SHROOM3: variants seen among roughly 807,000 people sequenced by gnomAD.
SHROOM3 encodes protein Shroom3.
A neutral mutation model predicts 138.6 loss-of-function variants in SHROOM3; 47 were observed. That is an observed-to-expected ratio of 0.34 (90% CI 0.27 to 0.43). SHROOM3 has a LOEUF of 0.43. Ranked by LOEUF, SHROOM3 falls within the 20% of genes least tolerant of loss-of-function variation. The pLI is 1.00. For missense variants in SHROOM3, 2,491 were observed against 2,596.5 expected (o/e 0.96, Z 0.88); for synonymous variants, 1,062 against 1,063.3 (o/e 1.00, Z 0.02).
At chr4:76,517,763 G>A (rs1416341029) in intron 1 of SHROOM3, among the ~76,000 whole-genome samples, 1 of 152,090 alleles carries the variant, frequency 6.6e-6, no homozygotes, top group African/African-American at 2.4e-5. Flanking sequence ...GAGAGGAAAA[G>A]ACTAGGGTTT....
chr4:76,755,855 C>T (rs1466740511), intron 7 of SHROOM3, among the ~76,000 whole-genome samples: 2 of 152,184 alleles, frequency 1.3e-5, no homozygotes, highest in East Asian at 3.8e-4. Flanking sequence ...GAGAAAGAAG[C>T]ATTCCCCAAC....
At chr4:76,551,614 G>C (rs1733354503) in intron 1 of SHROOM3, among the ~76,000 whole-genome samples, 1 of 152,086 alleles carries the variant, frequency 6.6e-6, no homozygotes. Context: ...GAGGCATGCT[G>C]GGGGAGGAAA....
In SHROOM3 at chr4:76,739,407, C is replaced by T; in HGVS notation, c.1234C>T (p.Leu412Phe). The T allele has an allele frequency of 6.2e-7, 1 of 1,614,120 alleles. No homozygotes were observed. The highest frequency in any genetic ancestry group is 8.5e-7 in the Non-Finnish European group (1 of 1,180,038). Residue 412 changes from leucine to phenylalanine, a missense_variant, in exon 5 of 11, where the codon CTC becomes TTC. Leu to Phe is a conservative substitution (Grantham distance 22). This residue lies in a region of SHROOM3 where 1,733 missense variants were observed against 1,661.6 expected (regional missense o/e 1.04). Transcript: ENST00000296043. ...SSWSSLDQKR[L>F]CRPQANSLGS... ...CTGGTCTAGCCTTGATCAGAAACGG[C>T]TCTGCCGGCCTCAGGCAAACTCTTT...
intron 2 of SHROOM3, among the ~76,000 whole-genome samples, chr4:76,560,562 T>C (rs987892129): frequency 1.3e-5 from 2 of 152,210 alleles, no homozygotes; most frequent in African/African-American, 4.8e-5. Context: ...AGGTGCTATT[T>C]ATTTTGTTTA....
chr4:76,476,079 A>G (rs1731479487), intron 1 of SHROOM3, among the ~76,000 whole-genome samples: 1 of 152,254 alleles, frequency 6.6e-6, no homozygotes, highest in South Asian at 2.1e-4. Flanking sequence ...GCATGGGCAT[A>G]CAACACAATG....
At chr4:76,441,086 G>GTATTT (rs1553913335) in intron 1 of SHROOM3, among the ~76,000 whole-genome samples, 1 of 82,182 alleles carries the variant, frequency 1.2e-5, no homozygotes, top group Non-Finnish European at 2.2e-5. Flanking sequence ...AGTTCAATTT[G>GTATTT]TTTTTTTTTT....
intron 2 of SHROOM3, among the ~76,000 whole-genome samples, chr4:76,594,311 G>A (rs767888870): frequency 6.6e-6 from 1 of 152,180 alleles, no homozygotes; most frequent in African/African-American, 2.4e-5. Flanking sequence ...ATTGCCCTCT[G>A]TGAGGGCAGA....
intron 2 of SHROOM3, among the ~76,000 whole-genome samples, chr4:76,563,098 GA>G (rs1178061708): frequency 6.6e-6 from 1 of 152,102 alleles, no homozygotes; most frequent in Non-Finnish European, 1.5e-5. Context: ...AAATGGAGGA[GA>G]ACAGTTCCAT....
chr4:76,505,478 C>T (rs1732189803), intron 1 of SHROOM3, among the ~76,000 whole-genome samples: 1 of 152,062 alleles, frequency 6.6e-6, no homozygotes, highest in Non-Finnish European at 1.5e-5. Flanking sequence ...TTTATACATC[C>T]ATACATACAA....
At chr4:76,437,681 T>C (rs1480860162) in intron 1 of SHROOM3, among the ~76,000 whole-genome samples, 2 of 152,230 alleles carry the variant, frequency 1.3e-5, no homozygotes, top group Non-Finnish European at 2.9e-5. Flanking sequence ...TTCACAGGTT[T>C]CTACAATAAG....
At chr4:76,775,279 C>G (rs1560626105) in intron 10 of SHROOM3, among the ~76,000 whole-genome samples, 1 of 151,656 alleles carries the variant, frequency 6.6e-6, no homozygotes, top group Non-Finnish European at 1.5e-5. Context: ...GCTGTAAATG[C>G]CATTATTTTG....
chr4:76,590,990 C>T (rs536951888), intron 2 of SHROOM3, among the ~76,000 whole-genome samples: 1 of 152,186 alleles, frequency 6.6e-6, no homozygotes, highest in South Asian at 2.1e-4. Context: ...GTATGAATAT[C>T]GAATCTGTGC....
At chr4:76,640,852 G>A (rs1428110472) in intron 2 of SHROOM3, among the ~76,000 whole-genome samples, 1 of 152,226 alleles carries the variant, frequency 6.6e-6, no homozygotes, top group Non-Finnish European at 1.5e-5. Context: ...AGGCTAAGTT[G>A]GAACCACCTA....
intron 3 of SHROOM3, among the ~76,000 whole-genome samples, chr4:76,730,384 T>C (rs1480511403): frequency 2.0e-5 from 3 of 152,212 alleles, no homozygotes; most frequent in Non-Finnish European, 4.4e-5. Flanking sequence ...TTTTGCCATA[T>C]ATCCAAAGCC....
At chr4:76,547,932 A>AACACACACACACACAC (rs57089323) in intron 1 of SHROOM3, among the ~76,000 whole-genome samples, 6,061 of 146,070 alleles carry the variant, frequency 0.041, 144 homozygotes, top group East Asian at 0.059. Context: ...CCTGTCTCAA[A>AACACACACACACACAC]ACACACACAC....
intron 3 of SHROOM3, among the ~76,000 whole-genome samples, chr4:76,712,114 T>C (rs1720247674): frequency 1.3e-5 from 2 of 152,204 alleles, no homozygotes; most frequent in African/African-American, 4.8e-5. Flanking sequence ...TAGGCTAATC[T>C]AATGTCAGTG....
At chr4:76,708,939 C>T (rs1720145854) in intron 2 of SHROOM3, among the ~76,000 whole-genome samples, 1 of 152,154 alleles carries the variant, frequency 6.6e-6, no homozygotes, top group Admixed American at 6.5e-5. Flanking sequence ...ATCCTAAATT[C>T]GGTGAGAAAA....
At chr4:76,619,201 T>C (rs187621237) in intron 2 of SHROOM3, among the ~76,000 whole-genome samples, 7 of 152,334 alleles carry the variant, frequency 4.6e-5, no homozygotes, top group Admixed American at 4.6e-4. Flanking sequence ...TTTAATGAAT[T>C]GTGATTTTTG....
At chr4:76,501,297 CTATA>C (rs1732086814) in intron 1 of SHROOM3, among the ~76,000 whole-genome samples, 1 of 152,084 alleles carries the variant, frequency 6.6e-6, no homozygotes, top group Non-Finnish European at 1.5e-5. Flanking sequence ...TTAATATACT[CTATA>C]TATTTTGTTT....
Sources: allele counts gnomAD v4.1 joint callset (sites outside exome capture counted in the v4.1 genomes callset), GRCh38; gene constraint gnomAD v4.1.1; regional missense constraint gnomAD v4.1.1; transcripts MANE v1.5; gene names NCBI Gene and HGNC (gene_info 2026-07-23, HGNC 2026-07-21).